Variants in USP34 observed in about 807,000 individuals in gnomAD.
USP34 encodes the protein ubiquitin specific peptidase 34, also known as ubiquitin carboxyl-terminal hydrolase 34.
Under a neutral mutation model 460.3 loss-of-function variants are expected in USP34, and 70 were observed. That is an observed-to-expected ratio of 0.15 (90% CI 0.13 to 0.19). The LOEUF is 0.19. Ranked by LOEUF, USP34 falls within the 10% of genes least tolerant of loss-of-function variation. The probability of loss-of-function intolerance (pLI) is 1.00; values close to 1 mark genes in which losing one functional copy is unlikely to be tolerated. For synonymous variants in USP34, 1,647 were observed against 1,405.3 expected, an observed-to-expected ratio of 1.17 and a Z score of -3.85; for missense variants, 3,985 against 4,236.2, an observed-to-expected ratio of 0.94 and a Z score of 1.65.
chr2:61,333,901 C>T lies in USP34; in HGVS notation c.2815G>A (p.Asp939Asn), dbSNP rs900591663. 12 of 1,585,634 alleles carry T rather than the reference C, an allele frequency of 7.6e-6. No homozygotes were observed. Among genetic ancestry groups the T allele is most frequent in the Non-Finnish European group, 7.7e-6 (9 of 1,166,022 alleles). Reference sequence around the variant, plus strand: ...ACTTACATTGTTATCCAGTGTGTATCGTAACTGCTCCCAAACTGCTGAAAA... The same window carrying T: ...ACTTACATTGTTATCCAGTGTGTATTGTAACTGCTCCCAAACTGCTGAAAA... ...GTFQQFGSSY[D>N]THWITMWAEK... Residue 939 changes from aspartate (D) to asparagine (N), a missense_variant, in exon 19 of 80, where the codon GAT becomes AAT. Physicochemically the swap from Asp to Asn is conservative, Grantham distance 23. This residue lies in a region of USP34 where 1,114 missense variants were observed against 1,122.5 expected (regional missense o/e 0.99). Coordinates refer to ENST00000398571, the MANE Select transcript of USP34 (RefSeq NM_014709.4).
intron 1 of USP34, among the ~76,000 whole-genome samples, chr2:61,463,758 C>T (rs1695677290): frequency 6.6e-6 from 1 of 150,656 alleles, no homozygotes; most frequent in South Asian, 2.1e-4. Context: ...CGCTTGAACC[C>T]AGGAGGCGGA....
Position 61,357,110 on chromosome 2 carries a change from C to A in USP34, c.1252-6417G>T, listed in dbSNP as rs576865831. ...AAGCCAAATAGACCTAGCAGGCATA[C>A]ACAGAACACTCCAACAGCAGCAGAA... is the stretch of plus-strand genomic sequence containing the variant. On this transcript the variant is annotated intron_variant, in intron 10 of 79. Transcript: ENST00000398571. Among the ~76,000 whole-genome samples the A allele has an allele frequency of 9.8e-4, 150 of 152,300 alleles. 1 individual carries two copies. Among genetic ancestry groups the A allele is most frequent in the Non-Finnish European group, 1.8e-3 (125 of 68,032 alleles).
Position 61,248,705 on chromosome 2 carries a change from A to T in USP34, c.6222-22T>A, listed in dbSNP as rs146556009. The T allele has an allele frequency of 1.7e-3, 2,557 of 1,528,544 alleles. 12 individuals carry two copies. The highest frequency in any genetic ancestry group is 4.0e-3 in the Middle Eastern group (19 of 4,718). The allele number at this position is 1,528,544 out of a possible 1,614,324, so 94.7% of individuals were successfully genotyped here. A position where few individuals can be genotyped will look rare whatever the true frequency, so the allele number is the denominator to read the frequency against. On this transcript the variant is annotated intron_variant, in intron 48 of 79. Transcript: ENST00000398571. ...TGCCCTGAGAGACAAGAAAAAAATT[A>T]ATAAAGATTATTTTTTACAAATACT...
intron 1 of USP34, among the ~76,000 whole-genome samples, chr2:61,448,815 GA>G (rs916547360): frequency 8.5e-5 from 13 of 152,108 alleles, no homozygotes; most frequent in African/African-American, 3.1e-4. Flanking sequence ...GCATCAGAAA[GA>G]ATAAGATTCT....
At chr2:61,325,052 C>T (rs549240061) in intron 21 of USP34, among the ~76,000 whole-genome samples, 1 of 152,102 alleles carries the variant, frequency 6.6e-6, no homozygotes, top group Non-Finnish European at 1.5e-5. Flanking sequence ...AATGGGTACA[C>T]ATGGACATAC....
chr2:61,448,249 G>A (rs1338324337), intron 1 of USP34, among the ~76,000 whole-genome samples: 1 of 152,236 alleles, frequency 6.6e-6, no homozygotes, highest in Non-Finnish European at 1.5e-5. Flanking sequence ...CAAGGCAGGA[G>A]GACTGCTTCA....
chr2:61,449,336 T>C (rs914938343), intron 1 of USP34, among the ~76,000 whole-genome samples: 1 of 151,926 alleles, frequency 6.6e-6, no homozygotes, highest in Non-Finnish European at 1.5e-5. Flanking sequence ...AGATATCCCA[T>C]GTTCATGGAT....
intron 1 of USP34, among the ~76,000 whole-genome samples, chr2:61,469,009 C>T (rs187828801): frequency 6.6e-6 from 1 of 152,222 alleles, no homozygotes; most frequent in East Asian, 1.9e-4. Flanking sequence ...GAGCTCAAGA[C>T]CAGCCTGACC....
At chr2:61,467,970 T>C (rs934399419) in intron 1 of USP34, among the ~76,000 whole-genome samples, 2 of 152,100 alleles carry the variant, frequency 1.3e-5, no homozygotes, top group African/African-American at 4.8e-5. Context: ...TGCTCATCTT[T>C]GTACAAGGTA....
At chr2:61,403,992 C>CA (rs71405114) in intron 3 of USP34, among the ~76,000 whole-genome samples, 5,039 of 28,988 alleles carry the variant, frequency 0.17, 1,480 homozygotes, top group South Asian at 0.47. Flanking sequence ...GACTCTATCT[C>CA]AAAAAAAAAA....
At chr2:61,452,471 T>G (rs1695313126) in intron 1 of USP34, among the ~76,000 whole-genome samples, 1 of 151,756 alleles carries the variant, frequency 6.6e-6, no homozygotes, top group Admixed American at 6.6e-5. Flanking sequence ...ATTATAGGCA[T>G]GCATCACCAC....
intron 1 of USP34, among the ~76,000 whole-genome samples, chr2:61,456,457 T>C (rs1473937356): frequency 1.3e-5 from 2 of 152,230 alleles, no homozygotes; most frequent in Non-Finnish European, 2.9e-5. Flanking sequence ...AAAGATTCAC[T>C]CTTTTTCTCC....
intron 10 of USP34, among the ~76,000 whole-genome samples, chr2:61,362,387 C>T (rs1484589229): frequency 2.0e-5 from 3 of 151,918 alleles, no homozygotes; most frequent in Non-Finnish European, 4.4e-5. Flanking sequence ...TCCCAAGAGC[C>T]AAGATATGGA....
intron 29 of USP34, among the ~76,000 whole-genome samples, chr2:61,298,858 T>C (rs1690131097): frequency 6.6e-6 from 1 of 152,060 alleles, no homozygotes; most frequent in African/African-American, 2.4e-5. Context: ...AATTACACTA[T>C]GCTAGTATTC....
At chr2:61,265,590 C>CG (rs1689022860) in intron 42 of USP34, 33 bp from the exon 43 acceptor site, 1 of 1,569,032 alleles carries the variant, frequency 6.4e-7, no homozygotes, top group East Asian at 2.3e-5. Flanking sequence ...AAGATCCCCC[C>CG]CAAACAAACT....
intron 75 of USP34, chr2:61,199,862 A>G (rs531591420): frequency 2.6e-5 from 4 of 152,358 alleles, no homozygotes; most frequent in Middle Eastern, 3.2e-3. Flanking sequence ...CAAATAAAAA[A>G]TAAAAATGGT....
Position 61,314,566 on chromosome 2 carries a change from G to C in USP34, c.3542+19C>G. The C allele has an allele frequency of 6.8e-7, 1 of 1,465,588 alleles. No individual in the cohort carries two copies. Among genetic ancestry groups the C allele is most frequent in the Non-Finnish European group, 9.0e-7 (1 of 1,109,624 alleles). The allele number at this position is 1,465,588 out of a possible 1,614,324, so 90.8% of individuals were successfully genotyped here. A position where few individuals can be genotyped will look rare whatever the true frequency, so the allele number is the denominator to read the frequency against. On this transcript the variant is annotated intron_variant, in intron 25 of 79. Transcript: ENST00000398571. ...TAAAAATGAAATTCATTCTAACAGT[G>C]TGATATTTTAAAAATTACCTTCTCC... is the stretch of plus-strand genomic sequence containing the variant.
chr2:61,449,825 T>A (rs1179361141), intron 1 of USP34, among the ~76,000 whole-genome samples: 1 of 152,126 alleles, frequency 6.6e-6, no homozygotes, highest in African/African-American at 2.4e-5. Flanking sequence ...CCCAGCACTT[T>A]GGGAGGCTGA....
intron 6 of USP34, among the ~76,000 whole-genome samples, chr2:61,382,807 T>A (rs1030186540): frequency 6.6e-6 from 1 of 152,188 alleles, no homozygotes; most frequent in Non-Finnish European, 1.5e-5. Flanking sequence ...CCCCATAAAC[T>A]GTAACCCACC....
Sources: gnomAD v4.1 joint callset for allele counts (sites outside exome capture counted in the v4.1 genomes callset) on GRCh38, gnomAD v4.1.1 for gene constraint, gnomAD v4.1.1 regional missense constraint, MANE v1.5 for transcripts, NCBI Gene and HGNC (gene_info 2026-07-23, HGNC 2026-07-21) for gene names.